The following FOXK1 variants were observed in gnomAD, a reference collection of about 807,000 sequenced individuals.
FOXK1 encodes the protein forkhead box protein K1.
Under a neutral mutation model 51.9 loss-of-function variants are expected in FOXK1, and 19 were observed. That is an observed-to-expected ratio of 0.37 (90% confidence interval 0.26 to 0.54). The LOEUF (loss-of-function observed/expected upper bound fraction) is 0.54, where lower values mean the gene tolerates loss of function less well. FOXK1 is among the 20% of genes least tolerant of loss of function. The probability of loss-of-function intolerance (pLI) is 0.87; values close to 1 mark genes in which losing one functional copy is unlikely to be tolerated. For missense variants in FOXK1, 870 were observed against 1,032.7 expected, an observed-to-expected ratio of 0.84 and a Z score of 2.16; for synonymous variants, 537 against 482.6, an observed-to-expected ratio of 1.11 and a Z score of -1.48.
chr7:4,701,394 C>T (rs187621202), intron 1 of FOXK1, among the ~76,000 whole-genome samples: 1 of 152,124 alleles, frequency 6.6e-6, no homozygotes, highest in Non-Finnish European at 1.5e-5. Context: ...TTTTAGCCAC[C>T]GTGCCCAGCC....
At chr7:4,716,179 C>T (rs969606528) in intron 1 of FOXK1, among the ~76,000 whole-genome samples, 51 of 151,818 alleles carry the variant, frequency 3.4e-4, no homozygotes, top group Non-Finnish European at 4.1e-4. Flanking sequence ...TGAGATTGCG[C>T]CTCTGCACTC....
In FOXK1 at chr7:4,754,487, C is replaced by T. The variant is rs762929883; in HGVS notation, c.775C>T (p.Arg259Cys). The change falls in exon 3 of 9, where the codon CGC becomes TGC. Residue 259 changes from arginine (R) to cysteine (C), a missense_variant. This residue lies in a region of FOXK1 where 399 missense variants were observed against 475.6 expected (regional missense o/e 0.84). Coordinates refer to ENST00000328914, the MANE Select transcript of FOXK1 (RefSeq NM_001037165.2). Reference protein sequence around the residue: ...SVPNSCPASPRGAGSSSYRFV... With the variant: ...SVPNSCPASPCGAGSSSYRFV... ...CCCCAACTCCTGCCCAGCCAGTCCA[C>T]GCGGTGCCGGCTCCTCCAGTTACCG... is the stretch of plus-strand genomic sequence containing the variant. 5 of 1,613,140 alleles carry T rather than the reference C, an allele frequency of 3.1e-6. No individual in the cohort carries two copies. Among genetic ancestry groups the T allele is most frequent in the African/African-American group, 1.3e-5 (1 of 74,952 alleles).
At chr7:4,691,902 G>T (rs145653375) in intron 1 of FOXK1, among the ~76,000 whole-genome samples, 7 of 152,234 alleles carry the variant, frequency 4.6e-5, no homozygotes, top group African/African-American at 7.2e-5. Context: ...TCTTTGGGCA[G>T]AATGGCTGCT....
At chr7:4,712,564 G>A (rs904254095) in intron 1 of FOXK1, among the ~76,000 whole-genome samples, 6 of 152,170 alleles carry the variant, frequency 3.9e-5, no homozygotes, top group East Asian at 3.8e-4. Context: ...GAAGGAACAC[G>A]GAGAGTTGTT....
chr7:4,726,629 A>G (rs560796251), intron 1 of FOXK1, among the ~76,000 whole-genome samples: 1 of 152,146 alleles, frequency 6.6e-6, no homozygotes, highest in South Asian at 2.1e-4. Context: ...CTCAAAAAAA[A>G]AAAAACCGTG....
At chr7:4,737,037 T>C (rs1332368939) in intron 1 of FOXK1, among the ~76,000 whole-genome samples, 1 of 152,234 alleles carries the variant, frequency 6.6e-6, no homozygotes, top group Non-Finnish European at 1.5e-5. Context: ...AGGGGGACCA[T>C]GCTCCTCTTC....
chr7:4,720,864 A>G (rs1780300271), intron 1 of FOXK1, among the ~76,000 whole-genome samples: 1 of 151,602 alleles, frequency 6.6e-6, no homozygotes, highest in Non-Finnish European at 1.5e-5. Context: ...AATTAGAGAC[A>G]TGCACCACCA....
intron 1 of FOXK1, among the ~76,000 whole-genome samples, chr7:4,739,046 A>T (rs958976242): frequency 2.0e-5 from 3 of 152,204 alleles, no homozygotes; most frequent in African/African-American, 7.2e-5. Context: ...CGCTTTGACG[A>T]AGAGCAAAGG....
In FOXK1 at chr7:4,715,379, C is replaced by T. The variant is rs946753319; in HGVS notation, c.561-25459C>T. 2.0e-5 allele frequency among the ~76,000 whole-genome samples: 3 copies of T among 152,048 alleles called. No homozygotes were observed. The highest frequency in any genetic ancestry group is 2.9e-5 in the Non-Finnish European group (2 of 68,016). Reference sequence around the variant, plus strand: ...TCAGGGCGCTCAGCTGTGGGTGGCCCGTGTACAGGAATGGGATCGCACGGT... The same window carrying T: ...TCAGGGCGCTCAGCTGTGGGTGGCCTGTGTACAGGAATGGGATCGCACGGT... On this transcript the variant is annotated intron_variant, in intron 1 of 8. Transcript: ENST00000328914. The surrounding 1 kb of genome is among the most constrained non-coding windows in gnomAD (Gnocchi z 4.5).
At chr7:4,752,075 C>T (rs890090989) in intron 2 of FOXK1, among the ~76,000 whole-genome samples, 2 of 152,236 alleles carry the variant, frequency 1.3e-5, no homozygotes, top group Admixed American at 1.3e-4. Context: ...GCCTCAGCCT[C>T]CTGAACAGCT....
chr7:4,717,443 ACTGGGAGGTGTGTGG>A (rs1780250083), intron 1 of FOXK1, among the ~76,000 whole-genome samples: 2 of 108,682 alleles, frequency 1.8e-5, no homozygotes, highest in Non-Finnish European at 3.8e-5. Context: ...GAGGTGCATG[ACTGGGAGGTGTGTGG>A]CTGGGAGGCA....
chr7:4,768,530 A>G lies in FOXK1; in HGVS notation c.*6066A>G, dbSNP rs1356515263. 6.6e-6 allele frequency: 1 copy of G among 152,464 alleles called. No homozygotes were observed. Among genetic ancestry groups the G allele is most frequent in the African/African-American group, 2.4e-5 (1 of 41,456 alleles). 9.4% of individuals were successfully genotyped at this position (152,464 alleles called of 1,614,324 possible). On this transcript the variant is annotated 3_prime_UTR_variant, in exon 9 of 9. Transcript: ENST00000328914. The stretch of plus-strand genomic sequence containing the variant: ...TGCTGGGCTTTTCCGGCCCCGTCCC[A>G]GCTCCTCCTCAGGCAGAGGCTGCAG...
chr7:4,729,397 GTT>G lies in FOXK1; in HGVS notation c.561-11440_561-11439del, dbSNP rs1195054164. On this transcript the variant is annotated intron_variant, in intron 1 of 8. Transcript: ENST00000328914. The surrounding 1 kb of genome is among the most constrained non-coding windows in gnomAD (Gnocchi z 6.2). The stretch of plus-strand genomic sequence containing the variant: ...TGTGGGAGTCACCACGGGTCCCCAT[GTT>G]GGGATTGGGAAGCAGTCACCTACCA... 3.3e-5 allele frequency among the ~76,000 whole-genome samples: 5 copies of G among 152,180 alleles called. No individual in the cohort carries two copies. The East Asian group carries it at 7.7e-4, about 24-fold the overall frequency.
At chr7:4,694,992 T>G (rs1779934986) in intron 1 of FOXK1, among the ~76,000 whole-genome samples, 1 of 152,244 alleles carries the variant, frequency 6.6e-6, no homozygotes, top group South Asian at 2.1e-4. Flanking sequence ...GAAAAATGAT[T>G]TGTAAACTCT....
At chr7:4,744,767 G>T (rs1780679795) in intron 2 of FOXK1, among the ~76,000 whole-genome samples, 1 of 152,262 alleles carries the variant, frequency 6.6e-6, no homozygotes, top group African/African-American at 2.4e-5. Context: ...AAGGTGGGGG[G>T]CCACCCCTTT....
chr7:4,719,097 C>T (rs1780275225), intron 1 of FOXK1, among the ~76,000 whole-genome samples: 1 of 151,792 alleles, frequency 6.6e-6, no homozygotes. Flanking sequence ...GCATGAGCCA[C>T]CACACCCAAC....
At position 4,755,628 on chromosome 7, in the gene FOXK1, G is replaced by C. The variant is rs1208215386; in HGVS notation, c.1050+245G>C. Among the ~76,000 whole-genome samples the C allele has an allele frequency of 1.3e-5, 2 of 152,176 alleles. No homozygotes were observed. The highest frequency in any genetic ancestry group is 2.9e-5 in the Non-Finnish European group (2 of 68,034). On this transcript the variant is annotated intron_variant, in intron 4 of 8. Coordinates refer to ENST00000328914, the MANE Select transcript of FOXK1 (RefSeq NM_001037165.2). This position sits in a 1 kb window ranked among gnomAD's most constrained non-coding sequence, Gnocchi z 6.6. ...ACACCTGTGGTCGCAGCTACTCGGAGGCTGAGGTGGGAGGATCACTTGAGC... is the reference window on the plus strand; with the variant it reads ...ACACCTGTGGTCGCAGCTACTCGGACGCTGAGGTGGGAGGATCACTTGAGC...
chr7:4,756,914 G>T lies in FOXK1; in HGVS notation c.1051-80G>T. ...GACGGCCTCCCCTCACCCTGGTCCC[G>T]CATCTGCTGCAGATTTGAGGTGGGT... is the stretch of plus-strand genomic sequence containing the variant. On this transcript the variant is annotated intron_variant, in intron 4 of 8. Coordinates refer to ENST00000328914, the MANE Select transcript of FOXK1 (RefSeq NM_001037165.2). This position sits in a 1 kb window ranked among gnomAD's most constrained non-coding sequence, Gnocchi z 4.1. 1.3e-6 allele frequency: 2 copies of T among 1,485,532 alleles called. No homozygotes were observed. The highest frequency in any genetic ancestry group is 9.2e-7 in the Non-Finnish European group (1 of 1,088,722). The allele number at this position is 1,485,532 out of a possible 1,614,324, so 92.0% of individuals were successfully genotyped here. A position where few individuals can be genotyped will look rare whatever the true frequency, so the allele number is the denominator to read the frequency against.
rs1427711579 is a variant in FOXK1, at chr7:4,735,111, A to G, written c.561-5727A>G. Among the ~76,000 whole-genome samples the G allele has an allele frequency of 6.6e-6, 1 of 152,176 alleles. No homozygotes were observed. Among genetic ancestry groups the G allele is most frequent in the African/African-American group, 2.4e-5 (1 of 41,432 alleles). On this transcript the variant is annotated intron_variant, in intron 1 of 8. Coordinates refer to ENST00000328914, the MANE Select transcript of FOXK1 (RefSeq NM_001037165.2). The surrounding 1 kb of genome is among the most constrained non-coding windows in gnomAD (Gnocchi z 4.7). ...AGGGAGGGGATGGGAATGAAGGCAC[A>G]TGACATGCCCCAAGTCACTCGGGCT...
Sources: gnomAD v4.1 joint callset for allele counts (sites outside exome capture counted in the v4.1 genomes callset) on GRCh38, gnomAD v4.1.1 for gene constraint, gnomAD v4.1.1 regional missense constraint, Gnocchi (gnomAD v3.1) non-coding constraint, MANE v1.5 for transcripts, NCBI Gene and HGNC (gene_info 2026-07-23, HGNC 2026-07-21) for gene names.